Variants in PIP5K1C observed in about 807,000 individuals in gnomAD.
PIP5K1C encodes the protein phosphatidylinositol-4-phosphate 5-kinase type 1 gamma.
In PIP5K1C, 45 loss-of-function variants were observed where a neutral mutation model predicts 80.1. The ratio of observed to expected loss-of-function variants is 0.56; its 90% CI spans 0.44 to 0.72. The LOEUF is 0.72. PIP5K1C is among the 30% of genes least tolerant of loss of function. The probability of loss-of-function intolerance (pLI) is 0.00; values close to 1 mark genes in which losing one functional copy is unlikely to be tolerated. For synonymous variants in PIP5K1C, 498 were observed against 420.1 expected (o/e 1.19, Z -2.27); for missense variants, 753 against 954.6 (o/e 0.79, Z 2.78).
In PIP5K1C at chr19:3,632,219, C is replaced by G. The variant is rs1360601595; in HGVS notation, c.*948G>C. ...ACTCCTGTGGAGCCGGGCCTGGCCC[C>G]CTAGGCCATGTCTCCACGTGGAGGG... is the stretch of plus-strand genomic sequence containing the variant. On this transcript the variant is annotated 3_prime_UTR_variant, in exon 18 of 18. Transcript: ENST00000335312. 1 of 152,336 alleles carries G rather than the reference C, an allele frequency of 6.6e-6. No homozygotes were observed. The highest frequency in any genetic ancestry group is 1.5e-5 in the Non-Finnish European group (1 of 68,110). 9.4% of individuals were successfully genotyped at this position (152,336 alleles called of 1,614,324 possible).
rs1207902546 is a variant in PIP5K1C, at chr19:3,648,125, AG to A, written c.1211+499del. 6.6e-6 allele frequency among the ~76,000 whole-genome samples: 1 copy of A among 152,092 alleles called. No homozygotes were observed. Among genetic ancestry groups the A allele is most frequent in the Non-Finnish European group, 1.5e-5 (1 of 67,996 alleles). Reference sequence around the variant, plus strand: ...CTGCAGCCCCAGACTCCTGGGCCCAAGGAATCCTCCTGCCTCGGCCTCCCAA... The same window carrying A: ...CTGCAGCCCCAGACTCCTGGGCCCAAGAATCCTCCTGCCTCGGCCTCCCAA... On this transcript the variant is annotated intron_variant, in intron 9 of 17. Coordinates refer to ENST00000335312, the MANE Select transcript of PIP5K1C (RefSeq NM_012398.3). This position sits in a 1 kb window ranked among gnomAD's most constrained non-coding sequence, Gnocchi z 4.3.
At chr19:3,636,327 C>T in intron 16 of PIP5K1C, 1 of 943,802 alleles carries the variant, frequency 1.1e-6, no homozygotes, top group Non-Finnish European at 1.3e-6. Context: ...ACCAAGGGCA[C>T]AGCCTCTTCA....
intron 1 of PIP5K1C, among the ~76,000 whole-genome samples, chr19:3,698,644 T>TA (rs750759768): frequency 9.2e-5 from 14 of 152,116 alleles, no homozygotes; most frequent in Non-Finnish European, 1.8e-4. Flanking sequence ...TCAGCACCCC[T>TA]AATTTCCTGA....
intron 1 of PIP5K1C, among the ~76,000 whole-genome samples, chr19:3,687,698 C>G (rs2145597277): frequency 6.6e-6 from 1 of 152,300 alleles, no homozygotes; most frequent in South Asian, 2.1e-4. Context: ...GAGGGTACAC[C>G]TGGGGGACCC....
intron 1 of PIP5K1C, among the ~76,000 whole-genome samples, chr19:3,681,014 C>A (rs917159476): frequency 6.6e-6 from 1 of 152,150 alleles, no homozygotes; most frequent in African/African-American, 2.4e-5. Context: ...TCCCACAGGT[C>A]GGCAGTGCTG....
chr19:3,694,754 A>G lies in PIP5K1C; in HGVS notation c.94+5543T>C, dbSNP rs112857674. Reference sequence around the variant, plus strand: ...TTCCGCTGCCTACATCGCCTGAGCCACAGCCCACCCTTATTCAGCTCGTGG... The same window carrying G: ...TTCCGCTGCCTACATCGCCTGAGCCGCAGCCCACCCTTATTCAGCTCGTGG... On this transcript the variant is annotated intron_variant, in intron 1 of 17. Coordinates refer to ENST00000335312, the MANE Select transcript of PIP5K1C (RefSeq NM_012398.3). 7.7e-3 allele frequency among the ~76,000 whole-genome samples: 1,171 copies of G among 152,286 alleles called. 11 individuals are homozygous for G. Among genetic ancestry groups the G allele is most frequent in the African/African-American group, 0.027 (1,108 of 41,560 alleles).
intron 2 of PIP5K1C, 147 bp from the exon 3 acceptor site, chr19:3,665,061 T>C: frequency 2.7e-6 from 2 of 729,360 alleles, no homozygotes; most frequent in South Asian, 3.0e-5. Context: ...GACTCCGGGG[T>C]GCAGCAGGAG....
chr19:3,677,794 C>T (rs1370421479), intron 1 of PIP5K1C, among the ~76,000 whole-genome samples: 2 of 11,304 alleles, frequency 1.8e-4, no homozygotes, highest in African/African-American at 7.9e-4. Context: ...GGGAGGGATG[C>T]AGGGAGGGAG....
chr19:3,666,916 G>A (rs562496226), intron 2 of PIP5K1C, among the ~76,000 whole-genome samples: 25 of 152,346 alleles, frequency 1.6e-4, no homozygotes, highest in East Asian at 3.9e-4. Flanking sequence ...CTCGGGCATC[G>A]CCCTCTGGGC....
chr19:3,641,820 T>C lies in PIP5K1C; in HGVS notation c.1683-11A>G. On this transcript the variant is annotated splice_polypyrimidine_tract_variant and intron_variant, in intron 14 of 17. Transcript: ENST00000335312. ...GGCTCCTCCTGCGGCCTGCAGGCAA[T>C]GGGAGGTTGTGCCTCGGTTTCCCTC... 6.2e-7 allele frequency: 1 copy of C among 1,605,090 alleles called. No homozygotes were observed. Among genetic ancestry groups the C allele is most frequent in the Non-Finnish European group, 8.5e-7 (1 of 1,175,156 alleles).
At chr19:3,662,437 T>G (rs1275453329) in intron 3 of PIP5K1C, among the ~76,000 whole-genome samples, 1 of 152,242 alleles carries the variant, frequency 6.6e-6, no homozygotes, top group African/African-American at 2.4e-5. Context: ...CTGCTTTCTA[T>G]GTAACGCACG....
intron 1 of PIP5K1C, among the ~76,000 whole-genome samples, chr19:3,686,753 A>G (rs551773233): frequency 4.6e-5 from 7 of 151,842 alleles, no homozygotes; most frequent in African/African-American, 1.4e-4. Context: ...AATAAAATAA[A>G]ATAAAATAAA....
intron 15 of PIP5K1C, among the ~76,000 whole-genome samples, chr19:3,640,372 C>A (rs377236125): frequency 6.6e-6 from 1 of 151,968 alleles, no homozygotes; most frequent in African/African-American, 2.4e-5. Flanking sequence ...AAAAATTAGC[C>A]GGGCGTGGTG....
At chr19:3,641,863 A>G in intron 14 of PIP5K1C, 54 bp from the exon 15 acceptor site, 2 of 1,441,384 alleles carry the variant, frequency 1.4e-6, no homozygotes, top group Non-Finnish European at 1.9e-6. Context: ...CCCCCATCCT[A>G]CCCCCAGGAG....
At chr19:3,643,091 C>T in intron 13 of PIP5K1C, 152 bp from the exon 14 acceptor site, 2 of 1,463,290 alleles carry the variant, frequency 1.4e-6, no homozygotes, top group Non-Finnish European at 1.9e-6. Flanking sequence ...GATGCTCCGC[C>T]CCCGCGCACC....
At chr19:3,641,079 GT>G (rs1414533355) in intron 15 of PIP5K1C, among the ~76,000 whole-genome samples, 1 of 151,930 alleles carries the variant, frequency 6.6e-6, no homozygotes, top group Non-Finnish European at 1.5e-5. Flanking sequence ...GCCATGCGTG[GT>G]GGTGGGTGCC....
chr19:3,678,463 A>AG (rs2035471428), intron 1 of PIP5K1C, among the ~76,000 whole-genome samples: 2 of 94,928 alleles, frequency 2.1e-5, no homozygotes, highest in Admixed American at 1.1e-4. Flanking sequence ...GGAGGGATGG[A>AG]GGATGGAGGG....
chr19:3,643,532 G>T, intron 12 of PIP5K1C, 151 bp from the exon 13 acceptor site: 1 of 887,096 alleles, frequency 1.1e-6, no homozygotes, highest in African/African-American at 1.6e-5. Flanking sequence ...GGCAGGGAAG[G>T]ACGACGTTCC....
Position 3,654,920 on chromosome 19 carries a change from C to A in PIP5K1C, c.622-1331G>T, listed in dbSNP as rs1250263862. Among the ~76,000 whole-genome samples, 3 of 151,684 alleles carry A rather than the reference C, an allele frequency of 2.0e-5. No individual in the cohort carries two copies. The East Asian group carries it at 5.8e-4, about 29-fold the overall frequency. On this transcript the variant is annotated intron_variant, in intron 6 of 17. Transcript: ENST00000335312. ...CATGAAGTCAGGAGACCAGCTTGAC[C>A]AACACGGTGAAACCCCATCTCTACT...
Sources: gnomAD v4.1 joint callset for allele counts (sites outside exome capture counted in the v4.1 genomes callset) on GRCh38, gnomAD v4.1.1 for gene constraint, Gnocchi (gnomAD v3.1) non-coding constraint, MANE v1.5 for transcripts, NCBI Gene and HGNC (gene_info 2026-07-23, HGNC 2026-07-21) for gene names.